TGM1: variants seen among roughly 807,000 people sequenced by gnomAD.
The protein encoded by TGM1 is protein-glutamine gamma-glutamyltransferase K.
A neutral mutation model predicts 88.7 loss-of-function variants in TGM1; 63 were observed. The observed-to-expected ratio is 0.71, with a 90% CI of 0.58 to 0.88. TGM1 has a LOEUF of 0.88. Ranked by LOEUF, TGM1 falls within the 40% of genes least tolerant of loss-of-function variation. TGM1 has a pLI of 0.00. For missense variants in TGM1, 996 were observed against 1,118.0 expected (o/e 0.89, Z 1.56); for synonymous variants, 415 against 431.1 (o/e 0.96, Z 0.46).
intron 3 of TGM1, 133 bp downstream of exon 3, chr14:24,261,562 C>T: frequency 8.6e-7 from 1 of 1,168,650 alleles, no homozygotes; most frequent in Non-Finnish European, 1.3e-6. Context: ...CACACCCACA[C>T]ACTTGCACCT....
Position 24,259,564 on chromosome 14 carries a change from C to A in TGM1, c.984+140G>T, listed in dbSNP as rs1437639665. The A allele has an allele frequency of 1.6e-5, 12 of 770,130 alleles. No individual in the cohort carries two copies. The East Asian group carries it at 3.2e-4, about 21-fold the overall frequency. 47.7% of individuals were successfully genotyped at this position (770,130 alleles called of 1,614,324 possible). On this transcript the variant is annotated intron_variant, in intron 6 of 14. Coordinates refer to ENST00000206765, the MANE Select transcript of TGM1 (RefSeq NM_000359.3). The surrounding 1 kb of genome is among the most constrained non-coding windows in gnomAD (Gnocchi z 5.7). ...GCAAGGGAGAGAAGAGGAGGGAGAC[C>A]CCTTCCTGAAGTATCCTTTACGAGG...
rs1296165092 is a variant in TGM1 at position 24,259,192 on chromosome 14, G to A, written c.1042C>T (p.Arg348Ter). The A allele has an allele frequency of 9.9e-6, 16 of 1,613,920 alleles. No homozygotes were observed. The highest frequency in any genetic ancestry group is 4.5e-5 in the East Asian group (2 of 44,890). The change falls in exon 7 of 15, where the codon CGA becomes TGA. Residue 348 changes from arginine (R) to a stop codon, truncating the protein, a stop_gained. Coordinates refer to ENST00000206765, the MANE Select transcript of TGM1 (RefSeq NM_000359.3). LOFTEE classifies it high-confidence loss of function. The surrounding 1 kb of genome is among the most constrained non-coding windows in gnomAD (Gnocchi z 5.7). The part of the protein sequence containing the change: ...LIGNWSGDYS[R>*]GTNPSAWVGS... ...ACCCACGCTGATGGGTTGGTGCCTC[G>A]GGAGTAATCACCAGACCAGTTCCCA...
At position 24,255,600 on chromosome 14, in the gene TGM1, CAGG is replaced by C. The variant is rs2040744423; in HGVS notation, c.1492-86_1492-84del. ...ACTCCCGGCCTCCTTCCCCTGATCC[CAGG>C]AGCTATGGGACAGGGCTTGGTCCCA... On this transcript the variant is annotated intron_variant, in intron 10 of 14. Coordinates refer to ENST00000206765, the MANE Select transcript of TGM1 (RefSeq NM_000359.3). This position sits in a 1 kb window ranked among gnomAD's most constrained non-coding sequence, Gnocchi z 4.0. 6.4e-7 allele frequency: 1 copy of C among 1,574,522 alleles called. No homozygotes were observed. The highest frequency in any genetic ancestry group is 1.3e-5 in the African/African-American group (1 of 74,210).
At position 24,259,428 on chromosome 14, in the gene TGM1, C is replaced by A. The variant is rs980227859; in HGVS notation, c.985-179G>T. Among the ~76,000 whole-genome samples, 2 of 152,238 alleles carry A rather than the reference C, an allele frequency of 1.3e-5. No homozygotes were observed. Among genetic ancestry groups the A allele is most frequent in the Admixed American group, 1.3e-4 (2 of 15,290 alleles). ...TTCCCTCAGCCATCTGCCCCCCTCCCACCCGGGCTCTGACACAGGAATGTG... is the reference window on the plus strand; with the variant it reads ...TTCCCTCAGCCATCTGCCCCCCTCCAACCCGGGCTCTGACACAGGAATGTG... On this transcript the variant is annotated intron_variant, in intron 6 of 14. Transcript: ENST00000206765. The surrounding 1 kb of genome is among the most constrained non-coding windows in gnomAD (Gnocchi z 5.7).
intron 14 of TGM1, 47 bp from the exon 15 acceptor site, chr14:24,249,588 G>T: frequency 6.5e-7 from 1 of 1,546,718 alleles, no homozygotes; most frequent in Non-Finnish European, 8.9e-7. Context: ...TGGGGGTGGA[G>T]TGGGGAGTAA....
Position 24,259,640 on chromosome 14 carries a change from G to A in TGM1, c.984+64C>T. ...AGGAATCCAGAAAGGGCAGGAGGAG[G>A]GTGGGGGTGTGGCGAGGCAGCAGGC... On this transcript the variant is annotated intron_variant, in intron 6 of 14. Transcript: ENST00000206765. The surrounding 1 kb of genome is among the most constrained non-coding windows in gnomAD (Gnocchi z 5.7). 1 of 1,354,570 alleles carries A rather than the reference G, an allele frequency of 7.4e-7. No individual in the cohort carries two copies. The highest frequency in any genetic ancestry group is 1.0e-6 in the Non-Finnish European group (1 of 964,632). 83.9% of individuals were successfully genotyped at this position (1,354,570 alleles called of 1,614,324 possible).
At position 24,255,433 on chromosome 14, in the gene TGM1, G is replaced by T; in HGVS notation, c.1576C>A (p.Leu526Ile). 6.2e-7 allele frequency: 1 copy of T among 1,614,192 alleles called. No individual in the cohort carries two copies. The highest frequency in any genetic ancestry group is 8.5e-7 in the Non-Finnish European group (1 of 1,180,036). Residue 526 changes from leucine (L) to isoleucine (I), a missense_variant, in exon 11 of 15, where the codon CTC becomes ATC. Coordinates refer to ENST00000206765, the MANE Select transcript of TGM1 (RefSeq NM_000359.3). The surrounding 1 kb of genome is among the most constrained non-coding windows in gnomAD (Gnocchi z 4.0). Reference sequence around the variant, plus strand: ...GAGCTGATGGCCTTTGTGACAATGAGTGTGCCGATGGCCTTCTCCTCCACA... The same window carrying T: ...GAGCTGATGGCCTTTGTGACAATGATTGTGCCGATGGCCTTCTCCTCCACA... ...VYVEEKAIGT[L>I]IVTKAISSNM... is the part of the protein sequence containing the mutation.
intron 14 of TGM1, among the ~76,000 whole-genome samples, chr14:24,249,955 C>A (rs1478172434): frequency 6.6e-6 from 1 of 152,154 alleles, no homozygotes; most frequent in African/African-American, 2.4e-5. Context: ...ACAATATTTT[C>A]AAATACTTTC....
rs1332994788 is a variant in TGM1 at position 24,259,521 on chromosome 14, A to G, written c.984+183T>C. On this transcript the variant is annotated intron_variant, in intron 6 of 14. Coordinates refer to ENST00000206765, the MANE Select transcript of TGM1 (RefSeq NM_000359.3). This position sits in a 1 kb window ranked among gnomAD's most constrained non-coding sequence, Gnocchi z 5.7. Reference sequence around the variant, plus strand: ...CAGGAGCTGGGACAGGAGCCAGGAAAGGCGGGGTGGGGGGCAGGCAAGGGA... The same window carrying G: ...CAGGAGCTGGGACAGGAGCCAGGAAGGGCGGGGTGGGGGGCAGGCAAGGGA... Among the ~76,000 whole-genome samples the G allele has an allele frequency of 6.6e-6, 1 of 152,156 alleles. No individual in the cohort carries two copies. Among genetic ancestry groups the G allele is most frequent in the Non-Finnish European group, 1.5e-5 (1 of 68,010 alleles).
In TGM1 at chr14:24,253,025, G is replaced by A. The variant is rs79717961; in HGVS notation, c.2225+1127C>T. On this transcript the variant is annotated intron_variant, in intron 14 of 14. Transcript: ENST00000206765. ...GCCCAGCCCAGGATCAGGCCCAGAC[G>A]GGCTGGGTAAGGGCCTGAGGGATGG... Among the ~76,000 whole-genome samples the A allele has an allele frequency of 5.0e-3, 757 of 152,306 alleles. 4 individuals are homozygous for A. The highest frequency in any genetic ancestry group is 0.01 in the Middle Eastern group (3 of 294).
intron 7 of TGM1, among the ~76,000 whole-genome samples, 157 bp from the exon 8 acceptor site, chr14:24,258,830 G>A (rs1341653059): frequency 1.3e-5 from 2 of 152,240 alleles, no homozygotes; most frequent in African/African-American, 2.4e-5. Flanking sequence ...TTGGGCTACA[G>A]AGCACTTGGG....
chr14:24,260,260 A>T, intron 4 of TGM1, 190 bp downstream of exon 4: 1 of 1,018,820 alleles, frequency 9.8e-7, no homozygotes, highest in Non-Finnish European at 1.5e-6. Flanking sequence ...TTGCCAGGAG[A>T]GGTGTGGCTG....
At position 24,260,556 on chromosome 14, in the gene TGM1, G is replaced by A. The variant is rs763906036; in HGVS notation, c.651C>T (p.Ile217=). 7.4e-6 allele frequency: 12 copies of A among 1,614,110 alleles called. No individual in the cohort carries two copies. The highest frequency in any genetic ancestry group is 4.5e-5 in the East Asian group (2 of 44,894). Residue 217 remains isoleucine (I), a synonymous_variant, in exon 4 of 15, where the codon ATC becomes ATT. Transcript: ENST00000206765. ...TGCGGACTGTGAACTGAAACTTGCC[G>A]ATGATGGCGTTGGGGGAAGTGTGGA... ...LRVHTSPNAI[I]GKFQFTVRTQ...
At position 24,262,059 on chromosome 14, in the gene TGM1, A is replaced by G. The variant is rs767091325; in HGVS notation, c.294T>C (p.Asn98=). 4.3e-6 allele frequency: 7 copies of G among 1,613,620 alleles called. No homozygotes were observed. The East Asian group carries it at 1.6e-4, about 36-fold the overall frequency. The part of the protein sequence containing the change: ...RRPVSRGSGV[N]AAGDGTIREG... ...CTCGGATGGTGCCATCTCCAGCTGC[A>G]TTGACACCGCTGCCCCGGGATACAG... Residue 98 remains asparagine, a synonymous_variant, in exon 2 of 15, where the codon AAT becomes AAC. Coordinates refer to ENST00000206765, the MANE Select transcript of TGM1 (RefSeq NM_000359.3).
At chr14:24,261,472 G>A (rs988728645) in intron 3 of TGM1, among the ~76,000 whole-genome samples, 3 of 152,156 alleles carry the variant, frequency 2.0e-5, no homozygotes, top group Admixed American at 6.5e-5. Context: ...CTCTGAGACC[G>A]ATGCCCCAGG....
chr14:24,260,528 G>C lies in TGM1; in HGVS notation c.679C>G (p.Gln227Glu), dbSNP rs972054392. ...IGKFQFTVRT[Q>E]SDAGEFQLPF... is the part of the protein sequence containing the mutation. ...AACTGGAACTCCCCAGCGTCTGATT[G>C]TGTGCGGACTGTGAACTGAAACTTG... is the stretch of plus-strand genomic sequence containing the variant. The change falls in exon 4 of 15, where the codon CAA becomes GAA. Residue 227 changes from glutamine (Q) to glutamate (E), a missense_variant. By Grantham distance (29) the Gln-to-Glu change is conservative (BLOSUM62 2). Transcript: ENST00000206765. 1 of 1,614,250 alleles carries C rather than the reference G, an allele frequency of 6.2e-7. No homozygotes were observed. Among genetic ancestry groups the C allele is most frequent in the Non-Finnish European group, 8.5e-7 (1 of 1,180,050 alleles).
At chr14:24,254,484 C>T (rs1249146677) in intron 13 of TGM1, among the ~76,000 whole-genome samples, 180 bp downstream of exon 13, 1 of 152,230 alleles carries the variant, frequency 6.6e-6, no homozygotes, top group East Asian at 1.9e-4. Context: ...GTCACAGAAC[C>T]AGAGACATAA....
chr14:24,257,345 G>T (rs550906753), intron 9 of TGM1, among the ~76,000 whole-genome samples: 3 of 152,268 alleles, frequency 2.0e-5, no homozygotes, highest in East Asian at 3.9e-4. Flanking sequence ...AGAAGGGGTG[G>T]GGGTTTGTTT....
At position 24,260,024 on chromosome 14, in the gene TGM1, C is replaced by A. The variant is rs532184407; in HGVS notation, c.792G>T (p.Arg264=). 1.8e-5 allele frequency: 29 copies of A among 1,614,196 alleles called. No individual in the cohort carries two copies. The highest frequency in any genetic ancestry group is 2.3e-5 in the Non-Finnish European group (27 of 1,180,024). ...CAGACTCATTAAGAACATACTCCTG[C>A]CGCCAATCCTCATGGTCCACGTACA... ...DIVYVDHEDW[R]QEYVLNESGR... is the part of the protein sequence containing the mutation. The change falls in exon 5 of 15, where the codon CGG becomes CGT. Residue 264 remains arginine (R), a synonymous_variant. Coordinates refer to ENST00000206765, the MANE Select transcript of TGM1 (RefSeq NM_000359.3).
Sources: allele counts gnomAD v4.1 joint callset (sites outside exome capture counted in the v4.1 genomes callset), GRCh38; gene constraint gnomAD v4.1.1; non-coding constraint Gnocchi (gnomAD v3.1); transcripts MANE v1.5; gene names NCBI Gene and HGNC (gene_info 2026-07-23, HGNC 2026-07-21).